Variants in RPGR observed in about 807,000 individuals in gnomAD.
RPGR encodes the protein retinitis pigmentosa GTPase regulator, also known as X-linked retinitis pigmentosa GTPase regulator.
A neutral mutation model predicts 56.3 loss-of-function variants in RPGR; 10 were observed. The ratio of observed to expected loss-of-function variants is 0.18; its 90% CI spans 0.11 to 0.30. The LOEUF (loss-of-function observed/expected upper bound fraction) is 0.30, where lower values mean the gene tolerates loss of function less well. RPGR is among the 10% of genes least tolerant of loss of function. RPGR has a pLI of 1.00. For missense variants in RPGR, 538 were observed against 590.9 expected (o/e 0.91, Z 0.93); for synonymous variants, 197 against 212.9 (o/e 0.93, Z 0.65).
intron 17 of RPGR, chrX:38,273,893 T>C (rs997934749): frequency 8.5e-6 from 1 of 117,122 alleles, no homozygotes; most frequent in African/African-American, 3.2e-5. Context: ...GTGAAGCATA[T>C]GCATTGTTTT....
intron 9 of RPGR, among the ~76,000 whole-genome samples, chrX:38,300,419 T>TA (rs1157370075): frequency 8.9e-6 from 1 of 111,997 alleles, no homozygotes; most frequent in Non-Finnish European, 1.9e-5. Context: ...AGTCTAAACT[T>TA]AACTGGCAAA....
intron 18 of RPGR, chrX:38,269,948 G>A: frequency 1.8e-6 from 1 of 543,120 alleles, no homozygotes. Flanking sequence ...ATCTCTTTAT[G>A]GGGCACCACA....
At chrX:38,277,607 ATTAAGT>A (rs1212973661) in intron 15 of RPGR, among the ~76,000 whole-genome samples, 11 of 111,336 alleles carry the variant, frequency 9.9e-5, no homozygotes, top group Non-Finnish European at 1.9e-4. Flanking sequence ...GTTTATTATA[ATTAAGT>A]TTATTATAAC....
In RPGR at chrX:38,287,874, T is replaced by C; in HGVS notation, c.1740A>G (p.Ser580=). The C allele has an allele frequency of 8.3e-7, 1 of 1,210,649 alleles. No homozygotes were observed. The highest frequency in any genetic ancestry group is 1.1e-6 in the Non-Finnish European group (1 of 894,614). ...CTGTGTCATTACCTACTTCCTCATC[T>C]GAAAATGCTTCGATAGTCGTAGCTG... Residue 580 remains serine (S), a synonymous_variant, in exon 14 of 19, where the codon TCA becomes TCG. Coordinates refer to ENST00000642395, the MANE Select transcript of RPGR (RefSeq NM_000328.3).
intron 6 of RPGR, among the ~76,000 whole-genome samples, chrX:38,315,062 G>A (rs897049945): frequency 1.8e-5 from 2 of 111,706 alleles, no homozygotes; most frequent in African/African-American, 6.5e-5. Context: ...AGACGCGGTG[G>A]CTCACACCTG....
chrX:38,283,323 C>T (rs1346901810), intron 15 of RPGR, among the ~76,000 whole-genome samples: 2 of 111,863 alleles, frequency 1.8e-5, no homozygotes, highest in Admixed American at 9.5e-5. Flanking sequence ...AATGTGGGGT[C>T]GCTTTGGTGA....
chrX:38,324,860 C>T (rs1469951909), intron 1 of RPGR, among the ~76,000 whole-genome samples: 2 of 104,678 alleles, frequency 1.9e-5, no homozygotes, highest in Non-Finnish European at 3.9e-5. Context: ...CATCACAAAG[C>T]AATAAAAAGC....
chrX:38,322,596 G>A (rs998773458), intron 3 of RPGR, among the ~76,000 whole-genome samples: 1 of 111,819 alleles, frequency 8.9e-6, no homozygotes. Flanking sequence ...AAAAAAGATG[G>A]GGGATATTCA....
intron 12 of RPGR, 46 bp from the exon 13 acceptor site, chrX:38,291,070 A>G (rs1293624262): frequency 3.8e-5 from 14 of 370,854 alleles, no homozygotes; most frequent in South Asian, 1.6e-4. Flanking sequence ...TACAGTATAT[A>G]TACTATATAT....
intron 6 of RPGR, among the ~76,000 whole-genome samples, chrX:38,312,142 A>G (rs1368259337): frequency 8.9e-6 from 1 of 112,132 alleles, no homozygotes; most frequent in Non-Finnish European, 1.9e-5. Flanking sequence ...CTGTAAACAC[A>G]GCTATATTGA....
At chrX:38,308,221 A>G (rs1330842407) in intron 7 of RPGR, 3 of 111,739 alleles carry the variant, frequency 2.7e-5, no homozygotes, top group African/African-American at 9.8e-5. Flanking sequence ...TAACTGTTCC[A>G]GGTCTGTCAA....
At position 38,304,628 on chromosome X, in the gene RPGR, T is replaced by A. The variant is rs2067561255; in HGVS notation, c.934+7A>T. On this transcript the variant is annotated splice_region_variant and intron_variant, in intron 8 of 18. Coordinates refer to ENST00000642395, the MANE Select transcript of RPGR (RefSeq NM_000328.3). ...TATAAATATATAACAGAAATTCTAA[T>A]CCATACCTGTTATCAAAGCTGTGTG... 1 of 1,165,486 alleles carries A rather than the reference T, an allele frequency of 8.6e-7. No homozygotes were observed. The highest frequency in any genetic ancestry group is 2.2e-5 in the Admixed American group (1 of 45,624).
chrX:38,311,916 C>T (rs1276379073), intron 6 of RPGR, among the ~76,000 whole-genome samples: 2 of 112,002 alleles, frequency 1.8e-5, no homozygotes, highest in African/African-American at 3.3e-5. Context: ...AGAGAAAGTA[C>T]TAGGAAGCCC....
chrX:38,314,003 G>A (rs908365003), intron 6 of RPGR, among the ~76,000 whole-genome samples: 2 of 111,627 alleles, frequency 1.8e-5, no homozygotes, highest in Non-Finnish European at 3.8e-5. Flanking sequence ...CACACTGGAA[G>A]AATTGTCTTT....
At chrX:38,326,380 G>A (rs941136549) in intron 1 of RPGR, among the ~76,000 whole-genome samples, 2 of 111,775 alleles carry the variant, frequency 1.8e-5, no homozygotes, top group South Asian at 7.4e-4. Flanking sequence ...CAAAATGGTC[G>A]TGACCTATTA....
intron 8 of RPGR, 94 bp downstream of exon 8, chrX:38,304,541 T>G: frequency 1.4e-6 from 1 of 705,960 alleles, no homozygotes; most frequent in Non-Finnish European, 2.1e-6. Flanking sequence ...TTAATTCCTT[T>G]ACTTAAGTTA....
intron 6 of RPGR, among the ~76,000 whole-genome samples, chrX:38,315,836 TATAG>T (rs1405559051): frequency 0.01 from 893 of 86,870 alleles, 8 homozygotes; most frequent in African/African-American, 0.04. Flanking sequence ...TATATATATA[TATAG>T]AGAGAGAGAG....
intron 14 of RPGR, 68 bp downstream of exon 14, chrX:38,287,793 A>G: frequency 1.0e-6 from 1 of 983,536 alleles, no homozygotes; most frequent in Non-Finnish European, 1.5e-6. Flanking sequence ...TTTCATGTCT[A>G]TATACCTCTT....
chrX:38,277,319 G>C (rs963351355), intron 15 of RPGR, among the ~76,000 whole-genome samples: 1 of 111,747 alleles, frequency 8.9e-6, no homozygotes, highest in African/African-American at 3.2e-5. Context: ...AAACCAAACA[G>C]AGGCAGAACT....
Sources: allele counts gnomAD v4.1 joint callset (sites outside exome capture counted in the v4.1 genomes callset), GRCh38; gene constraint gnomAD v4.1.1; transcripts MANE v1.5; gene names NCBI Gene and HGNC (gene_info 2026-07-23, HGNC 2026-07-21).